KCTD8: variants seen among roughly 807,000 people sequenced by gnomAD.
The protein encoded by KCTD8 is potassium channel tetramerization domain containing 8.
A neutral mutation model predicts 31.5 loss-of-function variants in KCTD8; 27 were observed. That is an observed-to-expected ratio of 0.86 (90% CI 0.63 to 1.18). KCTD8 has a LOEUF of 1.18. Ranked by LOEUF, KCTD8 falls within the 50% of genes most tolerant of loss-of-function variation. The pLI is 0.00. For synonymous variants in KCTD8, 290 were observed against 280.0 expected (o/e 1.04, Z -0.36); for missense variants, 658 against 647.7 (o/e 1.02, Z -0.17).
At chr4:44,380,425 A>G (rs1720032599) in intron 1 of KCTD8, among the ~76,000 whole-genome samples, 1 of 151,852 alleles carries the variant, frequency 6.6e-6, no homozygotes, top group Non-Finnish European at 1.5e-5. Context: ...CTCAAAAAAA[A>G]AAAAAAATCA....
At chr4:44,338,441 A>G (rs930492445) in intron 1 of KCTD8, among the ~76,000 whole-genome samples, 4 of 152,200 alleles carry the variant, frequency 2.6e-5, no homozygotes, top group African/African-American at 9.6e-5. Context: ...GACCAGAGAG[A>G]GTAGAACAAA....
At chr4:44,203,321 G>A (rs1714204234) in intron 1 of KCTD8, among the ~76,000 whole-genome samples, 1 of 151,942 alleles carries the variant, frequency 6.6e-6, no homozygotes, top group Non-Finnish European at 1.5e-5. Flanking sequence ...TGACCAACAT[G>A]ATGAAATTCC....
intron 1 of KCTD8, among the ~76,000 whole-genome samples, chr4:44,197,735 C>G (rs1249323039): frequency 6.6e-6 from 1 of 152,144 alleles, no homozygotes; most frequent in Admixed American, 6.5e-5. Context: ...CCTAAGAATT[C>G]TGGCATTCAA....
chr4:44,308,633 A>C (rs909110563), intron 1 of KCTD8, among the ~76,000 whole-genome samples: 2 of 152,078 alleles, frequency 1.3e-5, no homozygotes, highest in Non-Finnish European at 2.9e-5. Context: ...ATTAAATGAG[A>C]GTGACTAGGT....
chr4:44,448,681 G>A lies in KCTD8; in HGVS notation c.-158C>T. Reference sequence around the variant, plus strand: ...GGCCCCGCTCAGGGTTCGGGGCAGCGGCGGCGTCGGCGGCGCCCGAGCTCC... The same window carrying A: ...GGCCCCGCTCAGGGTTCGGGGCAGCAGCGGCGTCGGCGGCGCCCGAGCTCC... On this transcript the variant is annotated 5_prime_UTR_variant, in exon 1 of 2. Transcript: ENST00000360029. The surrounding 1 kb of genome is among the most constrained non-coding windows in gnomAD (Gnocchi z 4.1). 4 of 629,832 alleles carry A rather than the reference G, an allele frequency of 6.4e-6. No homozygotes were observed. The highest frequency in any genetic ancestry group is 9.1e-6 in the Non-Finnish European group (4 of 438,366). The allele number at this position is 629,832 out of a possible 1,614,324, so 39.0% of individuals were successfully genotyped here. A position where few individuals can be genotyped will look rare whatever the true frequency, so the allele number is the denominator to read the frequency against.
chr4:44,178,395 G>A (rs1713279785), intron 1 of KCTD8, among the ~76,000 whole-genome samples: 1 of 152,012 alleles, frequency 6.6e-6, no homozygotes, highest in African/African-American at 2.4e-5. Flanking sequence ...CATCTCTTTA[G>A]TTACCTTTAT....
At chr4:44,189,574 G>C (rs1205965713) in intron 1 of KCTD8, among the ~76,000 whole-genome samples, 3 of 152,004 alleles carry the variant, frequency 2.0e-5, no homozygotes, top group Non-Finnish European at 2.9e-5. Context: ...CCTTATCTCT[G>C]TTCCCATAAG....
At chr4:44,411,386 A>C (rs1275264743) in intron 1 of KCTD8, among the ~76,000 whole-genome samples, 66 of 150,836 alleles carry the variant, frequency 4.4e-4, no homozygotes, top group Middle Eastern at 3.5e-3. Context: ...TCAAAAAAAA[A>C]AAAAAAAAAA....
At chr4:44,226,998 A>T (rs1288485642) in intron 1 of KCTD8, among the ~76,000 whole-genome samples, 1 of 151,648 alleles carries the variant, frequency 6.6e-6, no homozygotes, top group Non-Finnish European at 1.5e-5. Context: ...TTGCCTGTTC[A>T]CTCTGATGAT....
intron 1 of KCTD8, among the ~76,000 whole-genome samples, chr4:44,258,061 G>T (rs1716044282): frequency 6.6e-6 from 1 of 151,904 alleles, no homozygotes; most frequent in Admixed American, 6.6e-5. Flanking sequence ...ATAAAATGCT[G>T]TTTTAGGAAA....
chr4:44,367,085 G>A (rs1176645341), intron 1 of KCTD8, among the ~76,000 whole-genome samples: 3 of 152,014 alleles, frequency 2.0e-5, no homozygotes, highest in Non-Finnish European at 4.4e-5. Flanking sequence ...CACTTGCTGG[G>A]CTCCCTCCTG....
In KCTD8 at chr4:44,447,602, C is replaced by T. The variant is rs1220673234; in HGVS notation, c.922G>A (p.Asp308Asn). ...TCGGTGTAGCTGCTCCAGATCTTGT[C>T]GTCGCGGTACTGGTTGACGAAGGCG... ...TAAFVNQYRDDKIWSSYTEYI... is the reference protein window; with the variant it reads ...TAAFVNQYRDNKIWSSYTEYI... Residue 308 changes from aspartate (D) to asparagine (N), a missense_variant, in exon 1 of 2, where the codon GAC becomes AAC. Asp to Asn is a conservative substitution (Grantham distance 23, BLOSUM62 1). Transcript: ENST00000360029. The T allele has an allele frequency of 2.5e-6, 4 of 1,599,594 alleles. No individual in the cohort carries two copies. Among genetic ancestry groups the T allele is most frequent in the Admixed American group, 1.7e-5 (1 of 58,026 alleles).
chr4:44,446,986 T>A (rs1450733545), intron 1 of KCTD8, among the ~76,000 whole-genome samples: 2 of 150,146 alleles, frequency 1.3e-5, no homozygotes, highest in African/African-American at 5.0e-5. Flanking sequence ...CCCCGCCCCC[T>A]CGAGGGGCTC....
intron 1 of KCTD8, among the ~76,000 whole-genome samples, chr4:44,284,078 A>G (rs898720280): frequency 6.6e-6 from 1 of 152,164 alleles, no homozygotes; most frequent in African/African-American, 2.4e-5. Context: ...ATTCAATGCT[A>G]TCCCCATCAA....
intron 1 of KCTD8, among the ~76,000 whole-genome samples, chr4:44,260,504 G>T (rs996323286): frequency 4.6e-5 from 7 of 151,890 alleles, no homozygotes; most frequent in African/African-American, 1.5e-4. Context: ...GAACAGAGTG[G>T]GGAGAGATAT....
At chr4:44,183,042 C>T (rs1043531838) in intron 1 of KCTD8, among the ~76,000 whole-genome samples, 2 of 152,270 alleles carry the variant, frequency 1.3e-5, no homozygotes, top group East Asian at 3.9e-4. Flanking sequence ...CACTTGAATA[C>T]TGAGAGTACT....
intron 1 of KCTD8, among the ~76,000 whole-genome samples, chr4:44,253,821 T>A (rs2109362577): frequency 6.6e-6 from 1 of 151,940 alleles, no homozygotes; most frequent in African/African-American, 2.4e-5. Flanking sequence ...GTCAGTAAGT[T>A]TTAGAATTTT....
chr4:44,267,834 C>G (rs957514293), intron 1 of KCTD8, among the ~76,000 whole-genome samples: 1 of 152,172 alleles, frequency 6.6e-6, no homozygotes, highest in African/African-American at 2.4e-5. Context: ...TCTCCCAAGA[C>G]TAAACCAGGA....
intron 1 of KCTD8, among the ~76,000 whole-genome samples, chr4:44,311,228 A>T (rs1418719318): frequency 6.6e-6 from 1 of 152,144 alleles, no homozygotes; most frequent in Admixed American, 6.5e-5. Context: ...CCCATAATTT[A>T]AATGACAAAA....
Sources: gnomAD v4.1 joint callset for allele counts (sites outside exome capture counted in the v4.1 genomes callset) on GRCh38, gnomAD v4.1.1 for gene constraint, Gnocchi (gnomAD v3.1) non-coding constraint, MANE v1.5 for transcripts, NCBI Gene and HGNC (gene_info 2026-07-23, HGNC 2026-07-21) for gene names.